Variants in ERAP1 observed in about 807,000 individuals in gnomAD.
The protein encoded by ERAP1 is adipocyte-derived leucine aminopeptidase.
A neutral mutation model predicts 103.7 loss-of-function variants in ERAP1; 86 were observed. The observed-to-expected ratio is 0.83, with a 90% CI of 0.70 to 0.99. ERAP1 has a LOEUF of 0.99. Ranked by LOEUF, ERAP1 falls within the 50% of genes least tolerant of loss-of-function variation. The pLI is 0.00. For missense variants in ERAP1, 1,009 were observed against 1,128.4 expected (o/e 0.89, Z 1.52); for synonymous variants, 398 against 402.4 (o/e 0.99, Z 0.13).
rs112851383 is a variant in ERAP1, at chr5:96,762,433, A to G, written c.*767T>C. ...TTGCGCAGCCACAACTAGAAAGAAA[A>G]TAGGGCGCCTGTTTAAAGCAAATGA... On this transcript the variant is annotated 3_prime_UTR_variant, in exon 20 of 20. Coordinates refer to the ERAP1 transcript ENST00000296754. 1,038 of 1,227,468 alleles carry G rather than the reference A, an allele frequency of 8.5e-4. 1 individual carries two copies. The highest frequency in any genetic ancestry group is 1.0e-3 in the Non-Finnish European group (883 of 875,754). The allele number at this position is 1,227,468 out of a possible 1,614,324, so 76.0% of individuals were successfully genotyped here. A position where few individuals can be genotyped will look rare whatever the true frequency, so the allele number is the denominator to read the frequency against.
chr5:96,905,281 A>C, the ERAP1 span, among the ~76,000 whole-genome samples: 2 of 152,238 alleles, frequency 1.3e-5, no homozygotes, highest in Non-Finnish European at 2.9e-5. Context: ...TTGCAACTAC[A>C]AATGAAAAAA....
At chr5:96,797,439 C>T in intron 3 of ERAP1, 130 bp from the exon 4 acceptor site, 1 of 987,930 alleles carries the variant, frequency 1.0e-6, no homozygotes, top group African/African-American at 1.6e-5. Flanking sequence ...CCGAGGTAGG[C>T]AGAATGCTTG....
Position 96,793,572 on chromosome 5 carries a change from T to C in ERAP1, c.1075-59A>G, listed in dbSNP as rs1776975563. ...CTCAGAAAGAAGTATATTTTAGATG[T>C]CCAATATAAGTTTATGAATGTTAAC... On this transcript the variant is annotated intron_variant, in intron 6 of 18. Transcript: ENST00000443439. The C allele has an allele frequency of 1.4e-5, 18 of 1,318,886 alleles. No homozygotes were observed. In the South Asian group the frequency reaches 2.0e-4, roughly 15 times the overall value. The allele number at this position is 1,318,886 out of a possible 1,614,324, so 81.7% of individuals were successfully genotyped here.
chr5:96,832,729 T>C, the ERAP1 span, among the ~76,000 whole-genome samples: 52 of 152,366 alleles, frequency 3.4e-4, no homozygotes, highest in African/African-American at 1.2e-3. Flanking sequence ...GCAGATATCA[T>C]TGTACGTACA....
At chr5:96,896,126 G>T in the ERAP1 span, among the ~76,000 whole-genome samples, 1 of 151,962 alleles carries the variant, frequency 6.6e-6, no homozygotes, top group Non-Finnish European at 1.5e-5. Flanking sequence ...TTCAAGGGCT[G>T]GTACATGATA....
At chr5:96,907,854 G>A in the ERAP1 span, among the ~76,000 whole-genome samples, 1 of 149,626 alleles carries the variant, frequency 6.7e-6, no homozygotes, top group Non-Finnish European at 1.5e-5. Context: ...TTGTACTCCA[G>A]CCTGGGTGAC....
the ERAP1 span, chr5:96,848,602 T>G: frequency 6.6e-6 from 1 of 152,190 alleles, no homozygotes; most frequent in Non-Finnish European, 1.5e-5. Flanking sequence ...AATATCTGAA[T>G]AGACCAATAG....
chr5:96,840,183 C>G, the ERAP1 span, among the ~76,000 whole-genome samples: 40 of 152,316 alleles, frequency 2.6e-4, no homozygotes, highest in African/African-American at 8.9e-4. Flanking sequence ...GTAGTGAAAA[C>G]TCCTTAGATC....
At chr5:96,915,848 G>T in the ERAP1 span, 12 of 1,219,446 alleles carry the variant, frequency 9.8e-6, no homozygotes, top group Middle Eastern at 1.9e-4. Flanking sequence ...GATATAATCT[G>T]ATTTGAAGTT....
At chr5:96,771,651 A>G, downstream of ERAP1, 1 of 1,612,226 alleles carries the variant, frequency 6.2e-7, no homozygotes, top group Non-Finnish European at 8.5e-7. Context: ...TAGACAACAG[A>G]GGAAACTTCC....
the ERAP1 span, chr5:96,903,711 C>T: frequency 1.6e-6 from 1 of 624,132 alleles, no homozygotes; most frequent in Non-Finnish European, 2.6e-6. Flanking sequence ...AGACTACCCA[C>T]TAATAACGTA....
At chr5:96,899,218 A>G in the ERAP1 span, among the ~76,000 whole-genome samples, 6 of 116,808 alleles carry the variant, frequency 5.1e-5, no homozygotes, top group South Asian at 2.1e-3. Flanking sequence ...GAAAATCAGT[A>G]CTTAAAATTT....
the ERAP1 span, among the ~76,000 whole-genome samples, chr5:96,862,166 A>AT: frequency 1.3e-5 from 2 of 151,888 alleles, no homozygotes; most frequent in African/African-American, 4.8e-5. Context: ...TTTTCTTTTT[A>AT]TTTTTTGTAG....
At chr5:96,875,952 G>A in the ERAP1 span, 2 of 152,434 alleles carry the variant, frequency 1.3e-5, no homozygotes, top group Non-Finnish European at 2.9e-5. Flanking sequence ...AACTCAAACA[G>A]GCAGATAAAG....
chr5:96,787,633 T>C (rs246453), intron 11 of ERAP1, among the ~76,000 whole-genome samples: 94,700 of 151,822 alleles, frequency 0.62, 29,727 homozygotes, highest in Non-Finnish European at 0.66. Context: ...ATGTCACCAA[T>C]TTACTGTCAA....
chr5:96,822,221 A>G, the ERAP1 span, among the ~76,000 whole-genome samples: 1 of 152,102 alleles, frequency 6.6e-6, no homozygotes, highest in Non-Finnish European at 1.5e-5. Flanking sequence ...CTATTACAGC[A>G]CCTCCTAACT....
the ERAP1 span, among the ~76,000 whole-genome samples, chr5:96,834,878 A>G: frequency 6.6e-6 from 1 of 152,234 alleles, no homozygotes; most frequent in Non-Finnish European, 1.5e-5. Flanking sequence ...GAAACACTGC[A>G]TAATACTTAC....
At chr5:96,872,780 A>T in the ERAP1 span, among the ~76,000 whole-genome samples, 1 of 152,216 alleles carries the variant, frequency 6.6e-6, no homozygotes, top group Non-Finnish European at 1.5e-5. Context: ...TTTTAAGAAG[A>T]TGTTTCAATT....
chr5:96,898,781 T>C, the ERAP1 span, among the ~76,000 whole-genome samples: 2 of 152,034 alleles, frequency 1.3e-5, no homozygotes, highest in Admixed American at 6.6e-5. Flanking sequence ...CATATAAAGA[T>C]GCTCTTTACT....
Sources: allele counts gnomAD v4.1 joint callset (sites outside exome capture counted in the v4.1 genomes callset), GRCh38; gene constraint gnomAD v4.1.1; transcripts MANE v1.5; gene names NCBI Gene and HGNC (gene_info 2026-07-23, HGNC 2026-07-21).